Variants in MYO16 observed in about 807,000 individuals in gnomAD.
The protein encoded by MYO16 is unconventional myosin-XVI.
MYO16 carries 94 observed loss-of-function variants against 205.3 expected under a neutral mutation model. That is an observed-to-expected ratio of 0.46 (90% CI 0.39 to 0.54). MYO16 has a LOEUF of 0.54. Ranked by LOEUF, MYO16 falls within the 20% of genes least tolerant of loss-of-function variation. The probability of loss-of-function intolerance (pLI) is 0.00; values close to 1 mark genes in which losing one functional copy is unlikely to be tolerated. For synonymous variants in MYO16, 988 were observed against 954.0 expected, an observed-to-expected ratio of 1.04 and a Z score of -0.66; for missense variants, 2,315 against 2,387.5, an observed-to-expected ratio of 0.97 and a Z score of 0.63.
At chr13:108,657,763 A>G (rs1881310403) in intron 1 of MYO16, among the ~76,000 whole-genome samples, 1 of 152,138 alleles carries the variant, frequency 6.6e-6, no homozygotes, top group African/African-American at 2.4e-5. Context: ...AGCTAACAGT[A>G]TTTACAATAA....
At chr13:108,974,829 G>C (rs2139400282) in intron 20 of MYO16, among the ~76,000 whole-genome samples, 1 of 152,256 alleles carries the variant, frequency 6.6e-6, no homozygotes, top group South Asian at 2.1e-4. Flanking sequence ...GGTCATTAGG[G>C]ACAGTAAACC....
rs61374158 is a variant in MYO16 at position 109,038,584 on chromosome 13, A to G, written c.2797-8332A>G. 2.0e-3 allele frequency among the ~76,000 whole-genome samples: 301 copies of G among 152,076 alleles called. 2 individuals are homozygous for G. Among genetic ancestry groups the G allele is most frequent in the African/African-American group, 7.1e-3 (296 of 41,466 alleles). ...ATTGTGGGACTTCTCAGCCCCCATA[A>G]TTATGTGAGCCAATAACTCAGACTA... On this transcript the variant is annotated intron_variant, in intron 23 of 34. Transcript: ENST00000457511.
rs2038707 is a variant in MYO16, at chr13:109,179,501, G to A, written c.5324-41G>A. ...GCATGACTTACTTTATTTGGAACAAGGAGACACTGCTTAACTCCCGATTTG... is the reference window on the plus strand; with the variant it reads ...GCATGACTTACTTTATTTGGAACAAAGAGACACTGCTTAACTCCCGATTTG... On this transcript the variant is annotated intron_variant, in intron 33 of 34. Transcript: ENST00000457511. 24,771 of 1,292,666 alleles carry A rather than the reference G, an allele frequency of 0.019. 2,163 individuals are homozygous for A. In the East Asian group the frequency reaches 0.28, roughly 15 times the overall value. The allele number at this position is 1,292,666 out of a possible 1,614,324, so 80.1% of individuals were successfully genotyped here.
chr13:109,004,001 T>C (rs1410098039), intron 21 of MYO16, among the ~76,000 whole-genome samples: 3 of 152,202 alleles, frequency 2.0e-5, no homozygotes, highest in Admixed American at 6.5e-5. Context: ...GGGTATGTCT[T>C]GTAAATAATC....
intron 16 of MYO16, among the ~76,000 whole-genome samples, chr13:108,915,698 T>G (rs1205907108): frequency 6.6e-6 from 1 of 152,238 alleles, no homozygotes; most frequent in Non-Finnish European, 1.5e-5. Context: ...GCTAGGTTCC[T>G]AAATCCAAAA....
intron 16 of MYO16, among the ~76,000 whole-genome samples, chr13:108,910,435 A>G (rs1392918387): frequency 1.3e-5 from 2 of 152,204 alleles, no homozygotes; most frequent in Admixed American, 6.5e-5. Flanking sequence ...TGGCTATAAC[A>G]TGAGTTATGC....
intron 12 of MYO16, among the ~76,000 whole-genome samples, chr13:108,869,853 G>A (rs913473607): frequency 6.7e-6 from 1 of 149,060 alleles, no homozygotes; most frequent in African/African-American, 2.5e-5. Context: ...AATACTCTGT[G>A]TACACAATCT....
chr13:108,917,182 T>C (rs998599843), intron 16 of MYO16, among the ~76,000 whole-genome samples: 33 of 152,262 alleles, frequency 2.2e-4, no homozygotes, highest in African/African-American at 7.5e-4. Context: ...CGTGCTGCCC[T>C]AGGCCCCCTA....
chr13:108,630,122 A>G (rs1879909305), intron 1 of MYO16, among the ~76,000 whole-genome samples: 1 of 150,108 alleles, frequency 6.7e-6, no homozygotes, highest in Non-Finnish European at 1.5e-5. Context: ...AAAAAAAATG[A>G]TTCATAGACA....
At position 109,206,923 on chromosome 13, in the gene MYO16, G is replaced by C. The variant is rs1594187996; in HGVS notation, c.*87G>C. The C allele has an allele frequency of 1.7e-6, 2 of 1,190,600 alleles. No individual in the cohort carries two copies. Among genetic ancestry groups the C allele is most frequent in the East Asian group, 5.1e-5 (2 of 39,176 alleles). 73.8% of individuals were successfully genotyped at this position (1,190,600 alleles called of 1,614,324 possible). A position where few individuals can be genotyped will look rare whatever the true frequency, so the allele number is the denominator to read the frequency against. ...GAAGGCTGCCTTCTGACATGCGCTG[G>C]GGCTTCTCTCCACGCATTTAGACAA... On this transcript the variant is annotated 3_prime_UTR_variant, in exon 35 of 35. Transcript: ENST00000457511.
At chr13:108,535,097 C>A in the MYO16 span, among the ~76,000 whole-genome samples, 1 of 150,370 alleles carries the variant, frequency 6.7e-6, no homozygotes, top group East Asian at 2.0e-4. Context: ...CCTCTTCCTT[C>A]CCTCCTTCTC....
intron 1 of MYO16, among the ~76,000 whole-genome samples, chr13:108,658,336 C>T (rs1361665608): frequency 2.0e-5 from 3 of 151,566 alleles, no homozygotes; most frequent in Admixed American, 6.6e-5. Flanking sequence ...CAATTTCTCA[C>T]GTCTTTCTTC....
At chr13:108,650,099 C>T (rs1880932461) in intron 1 of MYO16, among the ~76,000 whole-genome samples, 1 of 151,692 alleles carries the variant, frequency 6.6e-6, no homozygotes, top group Non-Finnish European at 1.5e-5. Flanking sequence ...TGTTTTATAT[C>T]AAAAAATTAA....
In MYO16 at chr13:109,125,416, G is replaced by C; in HGVS notation, c.3782+58G>C. 2.5e-6 allele frequency: 4 copies of C among 1,594,050 alleles called. No individual in the cohort carries two copies. Among genetic ancestry groups the C allele is most frequent in the Non-Finnish European group, 3.4e-6 (4 of 1,168,198 alleles). On this transcript the variant is annotated intron_variant, in intron 30 of 34. Transcript: ENST00000457511. The surrounding 1 kb of genome is among the most constrained non-coding windows in gnomAD (Gnocchi z 4.0). ...TTTGTGATTGGTTCAGTGGAGTCAT[G>C]AAAATTCAAATAGCCCTTAATGCAG... is the stretch of plus-strand genomic sequence containing the variant.
chr13:109,023,576 T>G (rs1476413833), intron 23 of MYO16, among the ~76,000 whole-genome samples: 1 of 125,594 alleles, frequency 8.0e-6, no homozygotes, highest in African/African-American at 3.0e-5. Context: ...AATACATGTA[T>G]ATATTTATAT....
intron 23 of MYO16, among the ~76,000 whole-genome samples, chr13:109,039,313 G>A (rs1020296002): frequency 2.0e-5 from 3 of 152,178 alleles, no homozygotes; most frequent in Admixed American, 6.5e-5. Context: ...ATCGGCAAGG[G>A]TGCAGGAGAA....
intron 27 of MYO16, among the ~76,000 whole-genome samples, chr13:109,060,280 A>ATACACC (rs1043878164): frequency 6.6e-6 from 1 of 152,192 alleles, no homozygotes; most frequent in Admixed American, 6.5e-5. Flanking sequence ...TGTGACACAT[A>ATACACC]TACACCGTGG....
chr13:108,785,466 A>G (rs1307238935), intron 4 of MYO16, among the ~76,000 whole-genome samples, 169 bp from the exon 5 acceptor site: 1 of 152,142 alleles, frequency 6.6e-6, no homozygotes, highest in Admixed American at 6.5e-5. Flanking sequence ...CAAGTCATTT[A>G]ATATATTTGT....
At position 109,055,200 on chromosome 13, in the gene MYO16, T is replaced by G. The variant is rs960093741; in HGVS notation, c.3129+74T>G. The stretch of plus-strand genomic sequence containing the variant: ...CTAAAGAGGGTTTATGTAGACTTTT[T>G]TTTCCATTTTTGACAACTTAAATAT... On this transcript the variant is annotated intron_variant, in intron 26 of 34. Coordinates refer to ENST00000457511, the MANE Select transcript of MYO16 (RefSeq NM_001198950.3). This position sits in a 1 kb window ranked among gnomAD's most constrained non-coding sequence, Gnocchi z 5.0. 1.1e-5 allele frequency: 14 copies of G among 1,299,788 alleles called. No homozygotes were observed. The highest frequency in any genetic ancestry group is 1.5e-5 in the Non-Finnish European group (14 of 935,000). The allele number at this position is 1,299,788 out of a possible 1,614,324, so 80.5% of individuals were successfully genotyped here.
Sources: allele counts gnomAD v4.1 joint callset (sites outside exome capture counted in the v4.1 genomes callset), GRCh38; gene constraint gnomAD v4.1.1; non-coding constraint Gnocchi (gnomAD v3.1); transcripts MANE v1.5; gene names NCBI Gene and HGNC (gene_info 2026-07-23, HGNC 2026-07-21).